SLC35A3: variants seen among roughly 807,000 people sequenced by gnomAD.
The protein encoded by SLC35A3 is UDP-N-acetylglucosamine transporter.
Under a neutral mutation model 39.0 loss-of-function variants are expected in SLC35A3, and 26 were observed. That is an observed-to-expected ratio of 0.67 (90% confidence interval 0.49 to 0.92). SLC35A3 has a LOEUF of 0.92. Among genes scored for constraint, SLC35A3 ranks in the 40% least tolerant of loss-of-function variants. The probability of loss-of-function intolerance (pLI) is 0.00; values close to 1 mark genes in which losing one functional copy is unlikely to be tolerated. For missense variants in SLC35A3, 299 were observed against 371.6 expected (o/e 0.80, Z 1.61); for synonymous variants, 135 against 133.1 (o/e 1.01, Z -0.10).
chr1:100,008,636 C>G (rs1659405863), intron 4 of SLC35A3: 1 of 152,240 alleles, frequency 6.6e-6, no homozygotes, highest in Non-Finnish European at 1.5e-5. Context: ...CATTCTTTCT[C>G]TTGTGCCTAC....
At chr1:100,011,773 G>A (rs1659667078) in intron 5 of SLC35A3, among the ~76,000 whole-genome samples, 1 of 150,994 alleles carries the variant, frequency 6.6e-6, no homozygotes, top group Non-Finnish European at 1.5e-5. Flanking sequence ...AGGCTGGAGT[G>A]CAGTGTGCAA....
Position 100,007,337 on chromosome 1 carries a change from C to T in SLC35A3, c.465+181C>T, listed in dbSNP as rs1659313274. 1.4e-5 allele frequency: 7 copies of T among 499,518 alleles called. No individual in the cohort carries two copies. The South Asian group carries it at 2.0e-4, about 14-fold the overall frequency. 30.9% of individuals were successfully genotyped at this position (499,518 alleles called of 1,614,324 possible). A position where few individuals can be genotyped will look rare whatever the true frequency, so the allele number is the denominator to read the frequency against. ...TACTACATTGGGAGTGTAAGTAATA[C>T]AGAGGAATTAATCAAAATAAAATTA... On this transcript the variant is annotated intron_variant, in intron 4 of 7. Coordinates refer to ENST00000533028, the MANE Select transcript of SLC35A3 (RefSeq NM_012243.3).
rs1661400140 is a variant in SLC35A3, at chr1:100,034,526, G to T, written c.*12050G>T. The T allele has an allele frequency of 1.3e-5, 2 of 152,098 alleles. No homozygotes were observed. Among genetic ancestry groups the T allele is most frequent in the Non-Finnish European group, 2.9e-5 (2 of 68,000 alleles). 9.4% of individuals were successfully genotyped at this position (152,098 alleles called of 1,614,324 possible). A position where few individuals can be genotyped will look rare whatever the true frequency, so the allele number is the denominator to read the frequency against. ...ATTGATTGAAAAGTTTTCATTTTCT[G>T]TTTTTTATAATAGCCTTGTATGGAT... On this transcript the variant is annotated 3_prime_UTR_variant, in exon 8 of 8. Transcript: ENST00000533028.
chr1:100,002,272 A>C (rs1416277748), intron 3 of SLC35A3, among the ~76,000 whole-genome samples: 1 of 152,136 alleles, frequency 6.6e-6, no homozygotes, highest in East Asian at 1.9e-4. Context: ...GAGGCTTTTT[A>C]AGTGCTGATT....
intron 1 of SLC35A3, among the ~76,000 whole-genome samples, chr1:99,991,398 C>T (rs948701299): frequency 1.3e-5 from 2 of 152,192 alleles, no homozygotes; most frequent in African/African-American, 4.8e-5. Context: ...CCTGCCTTGG[C>T]CTCCCAAAGT....
At chr1:99,977,552 GAGGAAGGGAGGA>G (rs1162445581) in intron 1 of SLC35A3, among the ~76,000 whole-genome samples, 5 of 138,470 alleles carry the variant, frequency 3.6e-5, no homozygotes, top group African/African-American at 1.1e-4. Context: ...CAGAAGGAAG[GAGGAAGGGAGGA>G]AGGGAGGGAG....
At chr1:99,990,010 G>C (rs1183763684) in intron 1 of SLC35A3, among the ~76,000 whole-genome samples, 1 of 152,136 alleles carries the variant, frequency 6.6e-6, no homozygotes, top group African/African-American at 2.4e-5. Context: ...TCCTGCCCCA[G>C]CCTCTCAAAG....
chr1:100,000,355 C>T (rs927551413), intron 3 of SLC35A3, among the ~76,000 whole-genome samples: 7 of 151,968 alleles, frequency 4.6e-5, no homozygotes, highest in Non-Finnish European at 8.8e-5. Flanking sequence ...TTTTCATATA[C>T]CTGTTGGCTA....
rs1432346096 is a variant in SLC35A3 at position 100,035,213 on chromosome 1, T to A, written c.*12737T>A. 2.0e-5 allele frequency: 3 copies of A among 152,212 alleles called. No homozygotes were observed. Among genetic ancestry groups the A allele is most frequent in the East Asian group, 3.8e-4 (2 of 5,200 alleles). The allele number at this position is 152,212 out of a possible 1,614,324, so 9.4% of individuals were successfully genotyped here. Reference sequence around the variant, plus strand: ...TCATCTCTAGATTATTTATAGTACTTAATACAATGTAATGCTGTGTAGTCA... The same window carrying A: ...TCATCTCTAGATTATTTATAGTACTAAATACAATGTAATGCTGTGTAGTCA... On this transcript the variant is annotated 3_prime_UTR_variant, in exon 8 of 8. Transcript: ENST00000533028.
chr1:99,996,682 G>C (rs1383181272), intron 2 of SLC35A3, among the ~76,000 whole-genome samples: 1 of 152,070 alleles, frequency 6.6e-6, no homozygotes, highest in Non-Finnish European at 1.5e-5. Context: ...GATCTAGCCT[G>C]GGCAACATAG....
chr1:100,003,563 G>A (rs1046171965), intron 3 of SLC35A3, among the ~76,000 whole-genome samples: 2 of 152,076 alleles, frequency 1.3e-5, no homozygotes, highest in Admixed American at 1.3e-4. Flanking sequence ...AATGCTGCAT[G>A]TGCTGATGAG....
rs1383936788 is a variant in SLC35A3 at position 100,027,109 on chromosome 1, C to T, written c.*4633C>T. The T allele has an allele frequency of 2.5e-6, 1 of 398,474 alleles. No individual in the cohort carries two copies. Among genetic ancestry groups the T allele is most frequent in the South Asian group, 1.3e-4 (1 of 7,840 alleles). The allele number at this position is 398,474 out of a possible 1,614,324, so 24.7% of individuals were successfully genotyped here. ...CTCTGGCTCTGTAGTATCTCTATCA[C>T]TGTCACATGTGATCTTTCTTCCTTT... is the stretch of plus-strand genomic sequence containing the variant. On this transcript the variant is annotated 3_prime_UTR_variant, in exon 8 of 8. Transcript: ENST00000533028.
intron 2 of SLC35A3, 78 bp downstream of exon 2, chr1:99,993,819 C>T (rs781046872): frequency 2.3e-6 from 3 of 1,285,620 alleles, no homozygotes; most frequent in Non-Finnish European, 2.2e-6. Flanking sequence ...TACACATTTG[C>T]ACTCTTGCAT....
intron 2 of SLC35A3, among the ~76,000 whole-genome samples, chr1:99,998,211 G>C (rs1658538574): frequency 6.7e-6 from 1 of 150,326 alleles, no homozygotes; most frequent in Admixed American, 6.6e-5. Flanking sequence ...CTGAAGTGCA[G>C]TTATGCAATC....
intron 1 of SLC35A3, among the ~76,000 whole-genome samples, chr1:99,974,126 G>A (rs949611712): frequency 1.3e-5 from 2 of 151,978 alleles, no homozygotes; most frequent in Non-Finnish European, 2.9e-5. Flanking sequence ...TCTACCTAGA[G>A]CTGAGTTTTT....
intron 1 of SLC35A3, chr1:99,975,034 C>T: frequency 6.6e-6 from 1 of 152,010 alleles, no homozygotes; most frequent in East Asian, 1.9e-4. Context: ...ACTTCCACCT[C>T]CCTGGCTCAA....
Position 100,030,712 on chromosome 1 carries a change from A to G in SLC35A3, c.*8236A>G, listed in dbSNP as rs560394206. On this transcript the variant is annotated 3_prime_UTR_variant, in exon 8 of 8. Coordinates refer to ENST00000533028, the MANE Select transcript of SLC35A3 (RefSeq NM_012243.3). The stretch of plus-strand genomic sequence containing the variant: ...TCTTTTAAAAGATACTGCATGTACA[A>G]ACATGATTTCTAATAATTGAGGGTT... 6.6e-6 allele frequency: 1 copy of G among 152,338 alleles called. No individual in the cohort carries two copies. Among genetic ancestry groups the G allele is most frequent in the Admixed American group, 6.5e-5 (1 of 15,298 alleles). 9.4% of individuals were successfully genotyped at this position (152,338 alleles called of 1,614,324 possible).
In SLC35A3 at chr1:100,030,931, C is replaced by T. The variant is rs1012975393; in HGVS notation, c.*8455C>T. The T allele has an allele frequency of 2.0e-5, 3 of 151,928 alleles. No homozygotes were observed. The highest frequency in any genetic ancestry group is 7.3e-5 in the African/African-American group (3 of 41,374). 9.4% of individuals were successfully genotyped at this position (151,928 alleles called of 1,614,324 possible). On this transcript the variant is annotated 3_prime_UTR_variant, in exon 8 of 8. Transcript: ENST00000533028. ...TATAGAAAATCATGAAAGATGTGTG[C>T]CCATGTTTCATTTTATAACTGTTCC...
chr1:99,972,331 C>CTTT (rs761559206), intron 1 of SLC35A3, among the ~76,000 whole-genome samples: 1,431 of 131,988 alleles, frequency 0.011, 45 homozygotes, highest in African/African-American at 0.039. Context: ...GTACTTACTA[C>CTTT]TTTTTTTTTT....
Sources: gnomAD v4.1 joint callset for allele counts (sites outside exome capture counted in the v4.1 genomes callset) on GRCh38, gnomAD v4.1.1 for gene constraint, MANE v1.5 for transcripts, NCBI Gene and HGNC (gene_info 2026-07-23, HGNC 2026-07-21) for gene names.